The following GALNT13 variants were observed in gnomAD, a reference collection of about 807,000 sequenced individuals.
The protein encoded by GALNT13 is polypeptide N-acetylgalactosaminyltransferase 13, also known as UDP-GalNAc:polypeptide N-acetylgalactosaminyltransferase 13.
In GALNT13, 28 loss-of-function variants were observed where a neutral mutation model predicts 64.2. That is an observed-to-expected ratio of 0.44 (90% CI 0.32 to 0.60). The LOEUF (loss-of-function observed/expected upper bound fraction) is 0.60. GALNT13 is among the 20% of genes least tolerant of loss of function. The pLI, the probability that GALNT13 is intolerant of heterozygous loss-of-function variation, is 0.05. For missense variants in GALNT13, 577 were observed against 669.8 expected (o/e 0.86, Z 1.53); for synonymous variants, 214 against 224.6 (o/e 0.95, Z 0.42).
chr2:154,154,619 A>G (rs10208448), intron 4 of GALNT13, among the ~76,000 whole-genome samples: 30,895 of 152,104 alleles, frequency 0.2, 4,052 homozygotes, highest in Middle Eastern at 0.32. Flanking sequence ...CTTGTCCAGG[A>G]CAATGGCCTA....
At chr2:154,233,209 G>A (rs1689021410) in intron 4 of GALNT13, among the ~76,000 whole-genome samples, 1 of 152,114 alleles carries the variant, frequency 6.6e-6, no homozygotes, top group Non-Finnish European at 1.5e-5. Context: ...TGTCTTAGTA[G>A]TCATAGAAAG....
the GALNT13 span, among the ~76,000 whole-genome samples, chr2:153,287,308 G>T: frequency 6.6e-6 from 1 of 152,140 alleles, no homozygotes; most frequent in African/African-American, 2.4e-5. Flanking sequence ...CCGAAACCCC[G>T]GTGGGCGTGT....
intron 9 of GALNT13, among the ~76,000 whole-genome samples, chr2:154,354,405 CTTTTTT>C (rs546187850): frequency 1.7e-5 from 1 of 60,400 alleles, no homozygotes; most frequent in Non-Finnish European, 2.9e-5. Flanking sequence ...TGATGTAGTC[CTTTTTT>C]TTTTTTTTTT....
chr2:153,270,090 G>T, the GALNT13 span, among the ~76,000 whole-genome samples: 1 of 152,162 alleles, frequency 6.6e-6, no homozygotes, highest in Non-Finnish European at 1.5e-5. Context: ...TGAATAAGAT[G>T]GTTTCAAAAG....
chr2:153,378,281 TAG>T, the GALNT13 span, among the ~76,000 whole-genome samples: 1 of 149,286 alleles, frequency 6.7e-6, no homozygotes, highest in East Asian at 1.9e-4. Context: ...GATAGATAGA[TAG>T]ATAGATAGAT....
In GALNT13 at chr2:154,321,807, C is replaced by A. The variant is rs540477239; in HGVS notation, c.1156+20218C>A. 7.2e-5 allele frequency among the ~76,000 whole-genome samples: 11 copies of A among 152,106 alleles called. No individual in the cohort carries two copies. The East Asian group carries it at 2.1e-3, about 29-fold the overall frequency. ...GTGTATATCGTATTATGTTTAAAAG[C>A]CATTATTTAAAATGTCATTAAGTAA... On this transcript the variant is annotated intron_variant, in intron 9 of 12. Transcript: ENST00000392825.
intron 9 of GALNT13, among the ~76,000 whole-genome samples, chr2:154,313,207 G>A (rs1489175510): frequency 6.8e-6 from 1 of 147,688 alleles, no homozygotes; most frequent in Non-Finnish European, 1.5e-5. Flanking sequence ...ACACATATGT[G>A]TATACATACA....
chr2:153,258,777 G>A, the GALNT13 span, among the ~76,000 whole-genome samples: 32 of 151,900 alleles, frequency 2.1e-4, no homozygotes, highest in Admixed American at 3.9e-4. Flanking sequence ...TCCATATTTC[G>A]TCTTGTTATC....
At chr2:153,163,789 G>A in the GALNT13 span, among the ~76,000 whole-genome samples, 18 of 152,302 alleles carry the variant, frequency 1.2e-4, no homozygotes, top group African/African-American at 4.1e-4. Context: ...GGAGGCCAAG[G>A]CGGGCGGATC....
intron 1 of GALNT13, among the ~76,000 whole-genome samples, chr2:153,872,630 G>GA (rs1686049029): frequency 1.0e-5 from 1 of 99,164 alleles, no homozygotes; most frequent in African/African-American, 3.6e-5. Context: ...GGGGGGGGGG[G>GA]GGGGAGCGGC....
intron 11 of GALNT13, 97 bp from the exon 12 acceptor site, chr2:154,438,495 C>T (rs886153480): frequency 1.6e-5 from 13 of 815,866 alleles, no homozygotes; most frequent in South Asian, 6.2e-5. Context: ...TTTGAAAACA[C>T]AAGTTTATCT....
the GALNT13 span, among the ~76,000 whole-genome samples, chr2:153,252,565 G>A: frequency 4.0e-5 from 6 of 151,660 alleles, no homozygotes; most frequent in Admixed American, 2.0e-4. Context: ...GTCCTGAATG[G>A]TATTGCCTAG....
intron 4 of GALNT13, among the ~76,000 whole-genome samples, chr2:154,225,250 G>A (rs1361705397): frequency 6.6e-6 from 1 of 152,002 alleles, no homozygotes; most frequent in African/African-American, 2.4e-5. Flanking sequence ...AAAGATGTTT[G>A]ACTTCATTCT....
In GALNT13 at chr2:154,257,544, A is replaced by C. The variant is rs2105898901; in HGVS notation, c.858-1477A>C. On this transcript the variant is annotated intron_variant, in intron 7 of 12. Transcript: ENST00000392825. Reference sequence around the variant, plus strand: ...TAATTACCATCTGTTTAGCTTTGTTAGTGTTTCTCATTATAACTCAGAAGG... The same window carrying C: ...TAATTACCATCTGTTTAGCTTTGTTCGTGTTTCTCATTATAACTCAGAAGG... 2 of 152,240 alleles carry C rather than the reference A, an allele frequency of 1.3e-5. 1 individual carries two copies. The highest frequency in any genetic ancestry group is 4.1e-4 in the South Asian group (2 of 4,820). 9.4% of individuals were successfully genotyped at this position (152,240 alleles called of 1,614,324 possible). A position where few individuals can be genotyped will look rare whatever the true frequency, so the allele number is the denominator to read the frequency against.
At chr2:153,107,448 G>A in the GALNT13 span, among the ~76,000 whole-genome samples, 1 of 152,100 alleles carries the variant, frequency 6.6e-6, no homozygotes, top group Non-Finnish European at 1.5e-5. Flanking sequence ...TTTAAAACAT[G>A]TTCCTTAGGT....
chr2:153,729,430 G>T, the GALNT13 span, among the ~76,000 whole-genome samples: 1 of 151,902 alleles, frequency 6.6e-6, no homozygotes, highest in African/African-American at 2.4e-5. Context: ...AAAAAATTAA[G>T]GTTACTGATT....
At chr2:153,743,004 A>G in the GALNT13 span, among the ~76,000 whole-genome samples, 5 of 77,964 alleles carry the variant, frequency 6.4e-5, no homozygotes, top group Non-Finnish European at 1.2e-4. Context: ...GAGAGAGGGG[A>G]GAAGAGAGGA....
the GALNT13 span, among the ~76,000 whole-genome samples, chr2:153,846,128 G>T: frequency 6.6e-6 from 1 of 152,092 alleles, no homozygotes; most frequent in Non-Finnish European, 1.5e-5. Flanking sequence ...GAAGCAAAAT[G>T]ATTCCTTATG....
intron 3 of GALNT13, among the ~76,000 whole-genome samples, chr2:153,990,526 C>T (rs1053622273): frequency 1.3e-5 from 2 of 152,050 alleles, no homozygotes; most frequent in African/African-American, 4.8e-5. Flanking sequence ...GAAAATAAGT[C>T]ATTGGAGAAT....
Sources: allele counts gnomAD v4.1 joint callset (sites outside exome capture counted in the v4.1 genomes callset), GRCh38; gene constraint gnomAD v4.1.1; transcripts MANE v1.5; gene names NCBI Gene and HGNC (gene_info 2026-07-23, HGNC 2026-07-21).